The following ALDH1L2 variants were observed in gnomAD, a reference collection of about 807,000 sequenced individuals.
The protein encoded by ALDH1L2 is mitochondrial 10-formyltetrahydrofolate dehydrogenase.
Under a neutral mutation model 111.0 loss-of-function variants are expected in ALDH1L2, and 91 were observed. The observed-to-expected ratio is 0.82, with a 90% CI of 0.69 to 0.98. ALDH1L2 has a LOEUF of 0.98. Among genes scored for constraint, ALDH1L2 ranks in the 50% least tolerant of loss-of-function variants. The pLI is 0.00. For synonymous variants in ALDH1L2, 374 were observed against 392.6 expected (o/e 0.95, Z 0.56); for missense variants, 995 against 1,126.8 (o/e 0.88, Z 1.67).
intron 9 of ALDH1L2, among the ~76,000 whole-genome samples, chr12:105,059,491 A>C (rs10861339): frequency 0.2 from 30,516 of 151,918 alleles, 3,326 homozygotes; most frequent in African/African-American, 0.28. Context: ...CCTATCTGTA[A>C]TAATAATCAT....
chr12:105,051,713 C>T (rs971965149), intron 12 of ALDH1L2, among the ~76,000 whole-genome samples: 2 of 151,888 alleles, frequency 1.3e-5, no homozygotes, highest in Non-Finnish European at 2.9e-5. Context: ...GAATGTTTTG[C>T]AGGAATTTTT....
intron 19 of ALDH1L2, 114 bp downstream of exon 19, chr12:105,034,186 A>T: frequency 1.0e-6 from 1 of 979,726 alleles, no homozygotes; most frequent in Non-Finnish European, 1.5e-6. Context: ...TTTTTAAAAC[A>T]TAACCACAAT....
At chr12:105,071,627 TATATATATA>T (rs1877702655) in intron 2 of ALDH1L2, among the ~76,000 whole-genome samples, 49 of 17,294 alleles carry the variant, frequency 2.8e-3, no homozygotes, top group Non-Finnish European at 4.1e-3. Context: ...TATATATATA[TATATATATA>T]TATATATTTT....
chr12:105,052,319 A>T lies in ALDH1L2; in HGVS notation c.1408-102T>A, dbSNP rs540839269. On this transcript the variant is annotated intron_variant, in intron 11 of 22. Coordinates refer to ENST00000258494, the MANE Select transcript of ALDH1L2 (RefSeq NM_001034173.4). ...GAAAAAATAGAGTATTACTGATTTT[A>T]AAAAAAGTTATGATAAGAAATGAGT... 1.1e-5 allele frequency: 13 copies of T among 1,190,740 alleles called. No homozygotes were observed. The East Asian group carries it at 1.2e-4, about 11-fold the overall frequency. 73.8% of individuals were successfully genotyped at this position (1,190,740 alleles called of 1,614,324 possible). A position where few individuals can be genotyped will look rare whatever the true frequency, so the allele number is the denominator to read the frequency against.
intron 10 of ALDH1L2, among the ~76,000 whole-genome samples, chr12:105,055,663 TA>T (rs1876576017): frequency 6.7e-6 from 1 of 149,570 alleles, no homozygotes; most frequent in African/African-American, 2.4e-5. Flanking sequence ...TTCAATGAAC[TA>T]AAGGAAACCA....
At chr12:105,076,723 C>A (rs1878069284) in intron 1 of ALDH1L2, among the ~76,000 whole-genome samples, 1 of 152,106 alleles carries the variant, frequency 6.6e-6, no homozygotes, top group African/African-American at 2.4e-5. Flanking sequence ...GTAAATGTTA[C>A]CTATTATTAT....
chr12:105,028,925 A>G (rs1874557812), intron 21 of ALDH1L2, among the ~76,000 whole-genome samples: 2 of 152,232 alleles, frequency 1.3e-5, no homozygotes, highest in Admixed American at 6.5e-5. Context: ...TTAGGAAGAC[A>G]TAAAACTTCA....
chr12:105,065,527 C>T (rs1285351798), intron 5 of ALDH1L2, among the ~76,000 whole-genome samples, 171 bp from the exon 6 acceptor site: 1 of 152,110 alleles, frequency 6.6e-6, no homozygotes, highest in Admixed American at 6.5e-5. Flanking sequence ...ATTTAGTAAA[C>T]AAGAGACTTT....
chr12:105,074,457 CCAAAAAAAAA>C (rs1259740401), intron 1 of ALDH1L2, among the ~76,000 whole-genome samples: 4 of 93,702 alleles, frequency 4.3e-5, no homozygotes, highest in South Asian at 3.1e-4. Flanking sequence ...GACTCTGTCT[CCAAAAAAAAA>C]AAAAAAAAAA....
chr12:105,067,039 A>G (rs1045961644), intron 4 of ALDH1L2, among the ~76,000 whole-genome samples: 6 of 151,716 alleles, frequency 4.0e-5, no homozygotes, highest in Non-Finnish European at 8.8e-5. Flanking sequence ...CCACGGTGAA[A>G]CCCCGTCTCT....
intron 22 of ALDH1L2, among the ~76,000 whole-genome samples, chr12:105,025,790 G>C (rs893962774): frequency 6.6e-6 from 1 of 152,172 alleles, no homozygotes; most frequent in Non-Finnish European, 1.5e-5. Flanking sequence ...CAGCCAGACC[G>C]CCTGCCTTTG....
At chr12:105,083,267 G>C (rs1048881231) in intron 1 of ALDH1L2, among the ~76,000 whole-genome samples, 1 of 152,194 alleles carries the variant, frequency 6.6e-6, no homozygotes, top group Non-Finnish European at 1.5e-5. Flanking sequence ...CACGTGGTGG[G>C]GGAAGCTAAT....
At chr12:105,066,732 C>T in intron 4 of ALDH1L2, 63 bp from the exon 5 acceptor site, 1 of 1,401,854 alleles carries the variant, frequency 7.1e-7, no homozygotes, top group Non-Finnish European at 1.0e-6. Context: ...GTCTATTTGA[C>T]TAAAGTTTCT....
intron 16 of ALDH1L2, 140 bp from the exon 17 acceptor site, chr12:105,039,946 T>C: frequency 1.5e-6 from 1 of 668,352 alleles, no homozygotes; most frequent in Non-Finnish European, 2.7e-6. Flanking sequence ...CTGACCACCA[T>C]GGTGAAACCC....
chr12:105,065,373 T>C lies in ALDH1L2; in HGVS notation c.697-17A>G, dbSNP rs749794242. The C allele has an allele frequency of 6.2e-6, 10 of 1,605,300 alleles. No homozygotes were observed. The Admixed American group carries it at 1.7e-4, about 27-fold the overall frequency. Reference sequence around the variant, plus strand: ...CCAAGAAATCTAGGAAGGCACAAAATACAGGCTGAGCCTCCTATGGCTGTG... The same window carrying C: ...CCAAGAAATCTAGGAAGGCACAAAACACAGGCTGAGCCTCCTATGGCTGTG... On this transcript the variant is annotated splice_polypyrimidine_tract_variant and intron_variant, in intron 5 of 22. Coordinates refer to ENST00000258494, the MANE Select transcript of ALDH1L2 (RefSeq NM_001034173.4).
chr12:105,066,745 A>G lies in ALDH1L2; in HGVS notation c.595-76T>C, dbSNP rs1169283899. 4.0e-6 allele frequency: 5 copies of G among 1,242,382 alleles called. No individual in the cohort carries two copies. In the African/African-American group the frequency reaches 4.4e-5, roughly 11 times the overall value. 77.0% of individuals were successfully genotyped at this position (1,242,382 alleles called of 1,614,324 possible). On this transcript the variant is annotated intron_variant, in intron 4 of 22. Transcript: ENST00000258494. ...TGGTCTATTTGACTAAAGTTTCTGC[A>G]TAACAGAATTACTACCTATAAACCT...
chr12:105,026,803 G>T (rs1874436845), intron 21 of ALDH1L2, 59 bp from the exon 22 acceptor site: 1 of 1,584,570 alleles, frequency 6.3e-7, no homozygotes. Context: ...CTCATTTTAT[G>T]TTCTGAAAAT....
At chr12:105,029,807 G>C (rs1315246367) in intron 21 of ALDH1L2, among the ~76,000 whole-genome samples, 3 of 152,036 alleles carry the variant, frequency 2.0e-5, no homozygotes, top group Admixed American at 6.6e-5. Context: ...TTAGCACTTG[G>C]ACCTCTTCGA....
chr12:105,034,205 C>A, intron 19 of ALDH1L2, 95 bp downstream of exon 19: 1 of 1,219,260 alleles, frequency 8.2e-7, no homozygotes, highest in Non-Finnish European at 1.2e-6. Context: ...ATACTGTTAT[C>A]ACACCTGAAA....
Sources: allele counts gnomAD v4.1 joint callset (sites outside exome capture counted in the v4.1 genomes callset), GRCh38; gene constraint gnomAD v4.1.1; transcripts MANE v1.5; gene names NCBI Gene and HGNC (gene_info 2026-07-23, HGNC 2026-07-21).